The following IGSF9 variants were observed in gnomAD, a reference collection of about 807,000 sequenced individuals.
IGSF9 encodes immunoglobulin superfamily member 9.
A neutral mutation model predicts 121.7 loss-of-function variants in IGSF9; 87 were observed. The observed-to-expected ratio is 0.71, with a 90% CI of 0.60 to 0.85. The LOEUF (loss-of-function observed/expected upper bound fraction) is 0.85. IGSF9 is among the 40% of genes least tolerant of loss of function. IGSF9 has a pLI of 0.00. For missense variants in IGSF9, 1,462 were observed against 1,565.3 expected, an observed-to-expected ratio of 0.93 and a Z score of 1.11; for synonymous variants, 640 against 648.4, an observed-to-expected ratio of 0.99 and a Z score of 0.20.
At chr1:159,942,353 T>C (rs1409666930) in intron 3 of IGSF9, among the ~76,000 whole-genome samples, 1 of 152,172 alleles carries the variant, frequency 6.6e-6, no homozygotes, top group African/African-American at 2.4e-5. Context: ...CACTGACCTT[T>C]GGGGATCCTG....
At position 159,931,704 on chromosome 1, in the gene IGSF9, C is replaced by G; in HGVS notation, c.1363-101G>C. 6.6e-7 allele frequency: 1 copy of G among 1,514,270 alleles called. No homozygotes were observed. The highest frequency in any genetic ancestry group is 9.0e-7 in the Non-Finnish European group (1 of 1,111,496). 93.8% of individuals were successfully genotyped at this position (1,514,270 alleles called of 1,614,324 possible). ...GCTCCAGTTCCTCCCCACCCTGCCTCTGACAGCCTTCTCCTTCCCACACCC... is the reference window on the plus strand; with the variant it reads ...GCTCCAGTTCCTCCCCACCCTGCCTGTGACAGCCTTCTCCTTCCCACACCC... On this transcript the variant is annotated intron_variant, in intron 11 of 20. Transcript: ENST00000368094. This position sits in a 1 kb window ranked among gnomAD's most constrained non-coding sequence, Gnocchi z 4.8.
chr1:159,933,954 A>T (rs747178315), intron 9 of IGSF9: 100 of 559,594 alleles, frequency 1.8e-4, no homozygotes, highest in Non-Finnish European at 2.9e-4. Context: ...TTCCCCAGAG[A>T]TCATCTCTCT....
intron 15 of IGSF9, 63 bp from the exon 16 acceptor site, chr1:159,930,038 C>T (rs748852678): frequency 6.4e-7 from 1 of 1,568,912 alleles, no homozygotes; most frequent in African/African-American, 1.3e-5. Flanking sequence ...CCCAGCGGGG[C>T]GCGGAAAGAC....
rs1365517073 is a variant in IGSF9, at chr1:159,928,916, G to A, written c.2472C>T (p.Ala824=). 5.0e-6 allele frequency: 8 copies of A among 1,588,036 alleles called. No homozygotes were observed. Among genetic ancestry groups the A allele is most frequent in the Non-Finnish European group, 6.8e-6 (8 of 1,168,508 alleles). The change falls in exon 19 of 21, where the codon GCC becomes GCT. Residue 824 remains alanine (A), a synonymous_variant. Coordinates refer to ENST00000368094, the MANE Select transcript of IGSF9 (RefSeq NM_001135050.2). Reference sequence around the variant, plus strand: ...GATCCGGGTGGGGGCTGGGAGTTCCGGCAGGATCCCCCCAGAGCAGACTCT... The same window carrying A: ...GATCCGGGTGGGGGCTGGGAGTTCCAGCAGGATCCCCCCAGAGCAGACTCT... ...LRQSLLWGDP[A]GTPSPHPDPP... is the part of the protein sequence containing the mutation.
chr1:159,931,631 A>T lies in IGSF9; in HGVS notation c.1363-28T>A, dbSNP rs1005717742. 1.2e-6 allele frequency: 2 copies of T among 1,605,208 alleles called. No individual in the cohort carries two copies. Among genetic ancestry groups the T allele is most frequent in the Middle Eastern group, 1.9e-4 (1 of 5,206 alleles). On this transcript the variant is annotated intron_variant, in intron 11 of 20. Coordinates refer to ENST00000368094, the MANE Select transcript of IGSF9 (RefSeq NM_001135050.2). The surrounding 1 kb of genome is among the most constrained non-coding windows in gnomAD (Gnocchi z 4.8). The stretch of plus-strand genomic sequence containing the variant: ...ACAGAACCACTGGTGAGCCCTGAGG[A>T]CACACGCAGCCACCCCTCACCAAAG...
At chr1:159,929,061 C>A in intron 18 of IGSF9, 43 bp from the exon 19 acceptor site, 2 of 1,502,276 alleles carry the variant, frequency 1.3e-6, no homozygotes, top group Non-Finnish European at 1.8e-6. Flanking sequence ...AGGGGCAGGT[C>A]CCCCTCCCAG....
chr1:159,932,412 AT>A lies in IGSF9; in HGVS notation c.1245+99del. On this transcript the variant is annotated intron_variant, in intron 10 of 20. Transcript: ENST00000368094. This position sits in a 1 kb window ranked among gnomAD's most constrained non-coding sequence, Gnocchi z 4.1. The stretch of plus-strand genomic sequence containing the variant: ...GAAACAAACTTGGAAACCCCTCCCC[AT>A]GTGTCTGCCCCACCCCACCCCCATC... 1 of 613,592 alleles carries A rather than the reference AT, an allele frequency of 1.6e-6. No individual in the cohort carries two copies. 38.0% of individuals were successfully genotyped at this position (613,592 alleles called of 1,614,324 possible).
intron 3 of IGSF9, among the ~76,000 whole-genome samples, chr1:159,938,622 A>C (rs1189423909): frequency 6.6e-6 from 1 of 152,184 alleles, no homozygotes; most frequent in Non-Finnish European, 1.5e-5. Flanking sequence ...AGACAGCTTC[A>C]TGGGTCCCTG....
At chr1:159,943,235 C>T in intron 2 of IGSF9, 84 bp from the exon 3 acceptor site, 1 of 1,357,712 alleles carries the variant, frequency 7.4e-7, no homozygotes, top group Non-Finnish European at 1.0e-6. Flanking sequence ...TCTGTAGGCA[C>T]CTTAGGACTT....
rs752504143 is a variant in IGSF9, at chr1:159,927,380, G to C, written c.3505C>G (p.Pro1169Ala). The C allele has an allele frequency of 1.2e-6, 2 of 1,613,746 alleles. No homozygotes were observed. The highest frequency in any genetic ancestry group is 1.7e-5 in the Admixed American group (1 of 60,002). ...GTGGCCTGTTCGGGGTGGGGGACTG[G>C]CTGTCGATAGGCTGGTAGCCGAGCC... is the stretch of plus-strand genomic sequence containing the variant. ...TRARLPAYRQPVPHPEQATLL is the reference protein window; with the variant it reads ...TRARLPAYRQAVPHPEQATLL Residue 1169 changes from proline (P) to alanine (A), a missense_variant, in exon 21 of 21, where the codon CCA becomes GCA. Pro to Ala is a conservative substitution (Grantham distance 27). Coordinates refer to ENST00000368094, the MANE Select transcript of IGSF9 (RefSeq NM_001135050.2).
rs1257704256 is a variant in IGSF9 at position 159,932,625 on chromosome 1, C to T, written c.1132G>A (p.Gly378Ser). 2 of 1,613,306 alleles carry T rather than the reference C, an allele frequency of 1.2e-6. No homozygotes were observed. The highest frequency in any genetic ancestry group is 1.7e-5 in the Admixed American group (1 of 59,970). Reference protein sequence around the residue: ...KFPGWSQGTEGSLIIALGNED... With the variant: ...KFPGWSQGTESSLIIALGNED... The stretch of plus-strand genomic sequence containing the variant: ...TTCCCCAGGGCGATGATCAGTGAGC[C>T]TTCTGTGCCCTGGGACCAGCCAGGG... The change falls in exon 10 of 21, where the codon GGC (glycine) becomes AGC (serine). Residue 378 changes from glycine to serine, a missense_variant. By Grantham distance (56) the Gly-to-Ser change is moderately conservative. This residue lies in a region of IGSF9 where 558 missense variants were observed against 599.4 expected (regional missense o/e 0.93). Transcript: ENST00000368094. This position sits in a 1 kb window ranked among gnomAD's most constrained non-coding sequence, Gnocchi z 4.1.
At position 159,930,215 on chromosome 1, in the gene IGSF9, C is replaced by CT. The variant is rs1459448714; in HGVS notation, c.2037dup (p.Glu680ArgfsTer120). The CT allele has an allele frequency of 6.2e-7, 1 of 1,611,904 alleles. No individual in the cohort carries two copies. The highest frequency in any genetic ancestry group is 1.3e-5 in the African/African-American group (1 of 74,760). On this transcript the variant is annotated frameshift_variant, in exon 15 of 21. Transcript: ENST00000368094. LOFTEE classifies it high-confidence loss of function. Reference sequence around the variant, plus strand: ...TTGATGAGGCCTGGCACCAGCAGCTCTGTTTCTGTGCCTGCCACAGCCGGG... The same window carrying CT: ...TTGATGAGGCCTGGCACCAGCAGCTCTTGTTTCTGTGCCTGCCACAGCCGGG...
Position 159,928,813 on chromosome 1 carries a change from C to A in IGSF9, c.2575G>T (p.Val859Leu). 2 of 1,511,342 alleles carry A rather than the reference C, an allele frequency of 1.3e-6. No homozygotes were observed. The highest frequency in any genetic ancestry group is 1.3e-5 in the South Asian group (1 of 77,034). 93.6% of individuals were successfully genotyped at this position (1,511,342 alleles called of 1,614,324 possible). ...PDGRFVMGPTVAAPQERSGRE... is the reference protein window; with the variant it reads ...PDGRFVMGPTLAAPQERSGRE... ...CCTGACCTTTCCTGGGGGGCCGCCA[C>A]AGTGGGCCCCATCACAAAGCGCCCG... The change falls in exon 19 of 21, where the codon GTG (valine) becomes TTG (leucine). Residue 859 changes from valine (V) to leucine (L), a missense_variant. By Grantham distance (32) the Val-to-Leu change is conservative. Coordinates refer to ENST00000368094, the MANE Select transcript of IGSF9 (RefSeq NM_001135050.2).
chr1:159,932,302 T>C lies in IGSF9; in HGVS notation c.1245+210A>G, dbSNP rs534031801. ...ACAGGATATCTTACTTCTGGATGTG[T>C]GTGACTGATGTCCCACCTCCCGAGC... On this transcript the variant is annotated intron_variant, in intron 10 of 20. Transcript: ENST00000368094. This position sits in a 1 kb window ranked among gnomAD's most constrained non-coding sequence, Gnocchi z 4.1. 8.2e-5 allele frequency: 49 copies of C among 600,472 alleles called. No individual in the cohort carries two copies. The African/African-American group carries it at 8.7e-4, about 11-fold the overall frequency. The allele number at this position is 600,472 out of a possible 1,614,324, so 37.2% of individuals were successfully genotyped here.
At chr1:159,938,415 G>A (rs1194512324) in intron 3 of IGSF9, among the ~76,000 whole-genome samples, 2 of 152,114 alleles carry the variant, frequency 1.3e-5, no homozygotes, top group Admixed American at 6.5e-5. Context: ...CAGCCTCCTC[G>A]CCCTATCCTC....
rs144339370 is a variant in IGSF9, at chr1:159,937,829, C to G, written c.257G>C (p.Arg86Pro). 1 of 1,613,590 alleles carries G rather than the reference C, an allele frequency of 6.2e-7. No individual in the cohort carries two copies. The highest frequency in any genetic ancestry group is 1.3e-5 in the African/African-American group (1 of 74,874). Reference sequence around the variant, plus strand: ...CTGGAGAGAGGCCCCCTTCTGCAGCCGGACTCGTCCTGGGGGAGGAGCCCT... The same window carrying G: ...CTGGAGAGAGGCCCCCTTCTGCAGCGGGACTCGTCCTGGGGGAGGAGCCCT... Reference protein sequence around the residue: ...RIDPDYVGRVRLQKGASLQIE... With the variant: ...RIDPDYVGRVPLQKGASLQIE... The change falls in exon 4 of 21, where the codon CGG becomes CCG. Residue 86 changes from arginine (R) to proline (P), a missense_variant. Physicochemically the swap from Arg to Pro is moderately radical, Grantham distance 103. Transcript: ENST00000368094.
In IGSF9 at chr1:159,943,503, A is replaced by T. The variant is rs1279693444; in HGVS notation, c.-49T>A. 3 of 1,485,442 alleles carry T rather than the reference A, an allele frequency of 2.0e-6. No homozygotes were observed. The highest frequency in any genetic ancestry group is 2.7e-6 in the Non-Finnish European group (3 of 1,112,572). 92.0% of individuals were successfully genotyped at this position (1,485,442 alleles called of 1,614,324 possible). ...GCCCCTCCTATCCACAGGAGCCCAG[A>T]TGGAGGGGCCAAGGGATGTCCTTCT... On this transcript the variant is annotated 5_prime_UTR_variant, in exon 2 of 21. Transcript: ENST00000368094.
chr1:159,937,408 G>C (rs1197797273), intron 4 of IGSF9, among the ~76,000 whole-genome samples: 1 of 152,028 alleles, frequency 6.6e-6, no homozygotes. Flanking sequence ...CCACTTCCCT[G>C]GCCAGGGAAG....
chr1:159,930,600 C>T, intron 14 of IGSF9, 92 bp downstream of exon 14: 1 of 1,568,716 alleles, frequency 6.4e-7, no homozygotes, highest in South Asian at 1.1e-5. Context: ...AGCACCTCTG[C>T]CCCTTCCCAC....
Sources: allele counts gnomAD v4.1 joint callset (sites outside exome capture counted in the v4.1 genomes callset), GRCh38; gene constraint gnomAD v4.1.1; regional missense constraint gnomAD v4.1.1; non-coding constraint Gnocchi (gnomAD v3.1); transcripts MANE v1.5; gene names NCBI Gene and HGNC (gene_info 2026-07-23, HGNC 2026-07-21).